HEMK2: variants seen among roughly 807,000 people sequenced by gnomAD.
HEMK2 encodes HemK methyltransferase 2, ETF1 glutamine and histone H4 lysine, also known as methyltransferase HEMK2.
the HEMK2 span, among the ~76,000 whole-genome samples, chr21:28,745,708 T>G: frequency 6.6e-6 from 1 of 152,072 alleles, no homozygotes. Context: ...ATCATTTGCA[T>G]TTGAGCAGCT....
the HEMK2 span, among the ~76,000 whole-genome samples, chr21:28,725,140 C>G: frequency 2.0e-5 from 3 of 152,266 alleles, no homozygotes; most frequent in Non-Finnish European, 4.4e-5. Flanking sequence ...GCTGATAGTC[C>G]TGACTTCCAT....
the HEMK2 span, among the ~76,000 whole-genome samples, chr21:28,784,521 A>G: frequency 1.0e-3 from 154 of 151,710 alleles, 1 homozygote; most frequent in African/African-American, 3.0e-3. Context: ...TAAATGCACC[A>G]ATCAGCACCC....
the HEMK2 span, among the ~76,000 whole-genome samples, chr21:28,686,898 A>G: frequency 6.6e-6 from 1 of 152,342 alleles, no homozygotes; most frequent in Admixed American, 6.5e-5. Flanking sequence ...TAGCCAATCC[A>G]TATGTTCAAA....
chr21:28,786,151 C>G, the HEMK2 span, among the ~76,000 whole-genome samples: 3 of 152,268 alleles, frequency 2.0e-5, no homozygotes, highest in South Asian at 6.2e-4. Flanking sequence ...ACCAAGAGAT[C>G]TAAGCTCTGG....
the HEMK2 span, among the ~76,000 whole-genome samples, chr21:28,838,491 G>A: frequency 0.076 from 11,487 of 151,416 alleles, 513 homozygotes; most frequent in African/African-American, 0.11. Context: ...CTGAAATAGC[G>A]CCACTGCACT....
the HEMK2 span, among the ~76,000 whole-genome samples, chr21:28,620,274 A>G: frequency 6.6e-6 from 1 of 152,150 alleles, no homozygotes; most frequent in Non-Finnish European, 1.5e-5. Flanking sequence ...AGGATGATGC[A>G]GTCTCACAAA....
chr21:28,731,418 A>G, the HEMK2 span, among the ~76,000 whole-genome samples: 80 of 152,306 alleles, frequency 5.3e-4, 1 homozygote, highest in Admixed American at 1.1e-3. Context: ...TGATGAAGAC[A>G]TTTATACTTG....
chr21:28,695,118 A>C, the HEMK2 span, among the ~76,000 whole-genome samples: 1 of 152,196 alleles, frequency 6.6e-6, no homozygotes, highest in Non-Finnish European at 1.5e-5. Context: ...TATGCCCAAA[A>C]TACTGCCTGA....
chr21:28,759,157 A>G, the HEMK2 span, among the ~76,000 whole-genome samples: 3 of 152,168 alleles, frequency 2.0e-5, no homozygotes, highest in Non-Finnish European at 2.9e-5. Flanking sequence ...CTACCATCTT[A>G]AAATTCTTGA....
the HEMK2 span, among the ~76,000 whole-genome samples, chr21:28,758,943 C>T: frequency 6.6e-6 from 1 of 152,176 alleles, no homozygotes; most frequent in African/African-American, 2.4e-5. Flanking sequence ...GTCTGCTGCA[C>T]TCTCACTCCT....
chr21:28,637,526 G>C, the HEMK2 span, among the ~76,000 whole-genome samples: 1 of 151,956 alleles, frequency 6.6e-6, no homozygotes, highest in Non-Finnish European at 1.5e-5. Flanking sequence ...CCAGAGGCAT[G>C]ACTGGCGTAG....
chr21:28,885,350 C>T, the HEMK2 span: 2 of 1,553,354 alleles, frequency 1.3e-6, no homozygotes, highest in East Asian at 2.4e-5. Context: ...TGCCATAGTC[C>T]TTCGCTGCGT....
At chr21:28,857,135 G>A in the HEMK2 span, among the ~76,000 whole-genome samples, 13 of 152,216 alleles carry the variant, frequency 8.5e-5, no homozygotes, top group South Asian at 2.5e-3. Context: ...TTTTAAATTT[G>A]TTTTGATTGA....
At chr21:28,830,296 C>T in the HEMK2 span, among the ~76,000 whole-genome samples, 18 of 152,138 alleles carry the variant, frequency 1.2e-4, no homozygotes, top group South Asian at 2.1e-4. Flanking sequence ...CTTGCTCTTG[C>T]GATAGTAAGT....
chr21:28,614,105 C>T, the HEMK2 span, among the ~76,000 whole-genome samples: 1 of 152,190 alleles, frequency 6.6e-6, no homozygotes, highest in South Asian at 2.1e-4. Flanking sequence ...CCTCTCTTTT[C>T]CTCCCCCATC....
chr21:28,769,015 T>C, the HEMK2 span, among the ~76,000 whole-genome samples: 2 of 151,996 alleles, frequency 1.3e-5, no homozygotes, highest in Non-Finnish European at 2.9e-5. Flanking sequence ...CTTGGACTTC[T>C]AGCCTCCAGA....
At chr21:28,776,900 T>C in the HEMK2 span, among the ~76,000 whole-genome samples, 1 of 152,168 alleles carries the variant, frequency 6.6e-6, no homozygotes, top group African/African-American at 2.4e-5. Context: ...CCCTCCCAGA[T>C]TGAGGGTGGG....
At chr21:28,807,113 A>G in the HEMK2 span, among the ~76,000 whole-genome samples, 1 of 152,204 alleles carries the variant, frequency 6.6e-6, no homozygotes, top group Non-Finnish European at 1.5e-5. Context: ...ATTATCTACC[A>G]TCATTACCAC....
the HEMK2 span, among the ~76,000 whole-genome samples, chr21:28,755,137 G>T: frequency 6.6e-6 from 1 of 152,136 alleles, no homozygotes; most frequent in Non-Finnish European, 1.5e-5. Context: ...GTCTTCAGAG[G>T]TCTTCATCAT....
Sources: gnomAD v4.1 joint callset for allele counts (sites outside exome capture counted in the v4.1 genomes callset) on GRCh38, gnomAD v4.1.1 for gene constraint, MANE v1.5 for transcripts, NCBI Gene and HGNC (gene_info 2026-07-23, HGNC 2026-07-21) for gene names.